DNAH7: variants seen among roughly 807,000 people sequenced by gnomAD.
DNAH7 encodes dynein axonemal heavy chain 7, also known as axonemal beta dynein heavy chain 7.
Under a neutral mutation model 444.6 loss-of-function variants are expected in DNAH7, and 397 were observed. That is an observed-to-expected ratio of 0.89 (90% confidence interval 0.82 to 0.97). The LOEUF is 0.97. Among genes scored for constraint, DNAH7 ranks in the 50% least tolerant of loss-of-function variants. The pLI is 0.00. For synonymous variants in DNAH7, 1,636 were observed against 1,624.4 expected (o/e 1.01, Z -0.17); for missense variants, 4,902 against 4,800.8 (o/e 1.02, Z -0.62).
chr2:196,012,056 A>G (rs1210896807), intron 10 of DNAH7, among the ~76,000 whole-genome samples: 1 of 152,188 alleles, frequency 6.6e-6, no homozygotes, highest in Non-Finnish European at 1.5e-5. Context: ...GAAGAAAGCA[A>G]GATAAAGGAA....
chr2:195,755,294 G>C (rs1694018198), intron 62 of DNAH7, among the ~76,000 whole-genome samples: 1 of 152,090 alleles, frequency 6.6e-6, no homozygotes, highest in Admixed American at 6.6e-5. Context: ...ATTGTACAAG[G>C]AATTCCTGGA....
intron 22 of DNAH7, among the ~76,000 whole-genome samples, chr2:195,924,976 G>A (rs931631150): frequency 4.6e-5 from 7 of 152,032 alleles, no homozygotes; most frequent in African/African-American, 1.4e-4. Flanking sequence ...TGTACACCAC[G>A]GAGTTTATTT....
chr2:195,815,953 C>G (rs1255469724), intron 51 of DNAH7, among the ~76,000 whole-genome samples: 2 of 152,194 alleles, frequency 1.3e-5, no homozygotes, highest in African/African-American at 4.8e-5. Flanking sequence ...GATTGCGCCA[C>G]TGCACTCCTG....
At chr2:195,757,087 C>T (rs556873401) in intron 61 of DNAH7, among the ~76,000 whole-genome samples, 20 of 152,180 alleles carry the variant, frequency 1.3e-4, no homozygotes, top group African/African-American at 4.1e-4. Context: ...CTCGACCTCC[C>T]GAAGTGCTGG....
intron 27 of DNAH7, 26 bp from the exon 28 acceptor site, chr2:195,900,520 T>A (rs1559202911): frequency 2.2e-5 from 35 of 1,595,398 alleles, no homozygotes; most frequent in Non-Finnish European, 3.0e-5. Flanking sequence ...AAGTTACTTT[T>A]AAAAGGATCA....
chr2:195,884,656 T>A lies in DNAH7; in HGVS notation c.5692A>T (p.Thr1898Ser). Residue 1898 changes from threonine (T) to serine (S), a missense_variant, in exon 35 of 65, where the codon ACA becomes TCA. Transcript: ENST00000312428. ...GGGACAGTTAGTGCCTTTGAGGATGTTTGCTCAGTACCACTCTGTAATTTA... is the reference window on the plus strand; with the variant it reads ...GGGACAGTTAGTGCCTTTGAGGATGATTGCTCAGTACCACTCTGTAATTTA... ...TFKLQSGTEQ[T>S]SSKALTVPFP... 5 of 1,614,182 alleles carry A rather than the reference T, an allele frequency of 3.1e-6. No homozygotes were observed. Among genetic ancestry groups the A allele is most frequent in the Non-Finnish European group, 4.2e-6 (5 of 1,180,012 alleles).
In DNAH7 at chr2:195,855,978, C is replaced by T. The variant is rs1469187547; in HGVS notation, c.8428G>A (p.Val2810Ile). ...GCCAGTTTTATCTTTTTGGGAGCTA[C>T]TATTTTTGCCACTCTGCAAAAAGTA... ...MDSYDKVAKI[V>I]APKKIKLAAA... Residue 2810 changes from valine to isoleucine, a missense_variant, in exon 45 of 65, where the codon GTA (valine) becomes ATA (isoleucine). Physicochemically the swap from Val to Ile is conservative, Grantham distance 29 (BLOSUM62 3). Transcript: ENST00000312428. The T allele has an allele frequency of 6.2e-7, 1 of 1,609,278 alleles. No homozygotes were observed. The highest frequency in any genetic ancestry group is 1.3e-5 in the African/African-American group (1 of 74,612).
At chr2:196,002,078 G>A (rs918917342) in intron 10 of DNAH7, among the ~76,000 whole-genome samples, 4 of 152,188 alleles carry the variant, frequency 2.6e-5, no homozygotes, top group Non-Finnish European at 5.9e-5. Context: ...GTGATGTGAT[G>A]CTGTGAGAAA....
chr2:196,020,693 C>T (rs183028953), intron 8 of DNAH7, among the ~76,000 whole-genome samples: 9 of 151,722 alleles, frequency 5.9e-5, no homozygotes, highest in Non-Finnish European at 1.2e-4. Flanking sequence ...TCACTGCAGC[C>T]TCCACCTCCT....
At chr2:195,877,726 C>T (rs959009741) in intron 36 of DNAH7, among the ~76,000 whole-genome samples, 2 of 152,160 alleles carry the variant, frequency 1.3e-5, no homozygotes, top group African/African-American at 4.8e-5. Flanking sequence ...ATAAGGAAGA[C>T]GTAGGGTAAC....
chr2:195,957,755 GATA>G (rs1690787295), intron 18 of DNAH7, among the ~76,000 whole-genome samples: 3 of 151,730 alleles, frequency 2.0e-5, no homozygotes, highest in Admixed American at 2.0e-4. Flanking sequence ...TATGTTTAAA[GATA>G]ATAATATAAC....
intron 49 of DNAH7, among the ~76,000 whole-genome samples, chr2:195,822,605 T>C (rs1010228816): frequency 6.6e-6 from 1 of 152,068 alleles, no homozygotes; most frequent in African/African-American, 2.4e-5. Flanking sequence ...GTTTAATCAA[T>C]CCCAGCAATT....
At chr2:195,976,784 A>AGAGG (rs1692236887) in intron 15 of DNAH7, among the ~76,000 whole-genome samples, 1 of 146,028 alleles carries the variant, frequency 6.8e-6, no homozygotes, top group Non-Finnish European at 1.5e-5. Flanking sequence ...AGAGAGAGAG[A>AGAGG]GAGACTCTCT....
At chr2:195,802,028 A>G (rs1441208576) in intron 54 of DNAH7, among the ~76,000 whole-genome samples, 6 of 152,210 alleles carry the variant, frequency 3.9e-5, no homozygotes, top group Admixed American at 3.9e-4. Flanking sequence ...ATAAACATCC[A>G]CTGAATGACT....
intron 17 of DNAH7, among the ~76,000 whole-genome samples, chr2:195,965,253 T>C (rs776667834): frequency 3.9e-5 from 6 of 152,206 alleles, no homozygotes; most frequent in Non-Finnish European, 8.8e-5. Flanking sequence ...TCATTCTCTT[T>C]ATATGATGCA....
In DNAH7 at chr2:195,737,981, G is replaced by T; in HGVS notation, c.12015C>A (p.Asp4005Glu). 1 of 1,614,002 alleles carries T rather than the reference G, an allele frequency of 6.2e-7. No homozygotes were observed. The highest frequency in any genetic ancestry group is 8.5e-7 in the Non-Finnish European group (1 of 1,179,858). ...NFVIAMTLPSDQPKEHWIGRG... is the reference protein window; with the variant it reads ...NFVIAMTLPSEQPKEHWIGRG... ...GTCCAATCCAGTGTTCCTTGGGTTG[G>T]TCAGAGGGAAGAGTCATGGCAATCA... Residue 4005 changes from aspartate to glutamate, a missense_variant, in exon 65 of 65, where the codon GAC becomes GAA. Physicochemically the swap from Asp to Glu is conservative, Grantham distance 45. Transcript: ENST00000312428.
chr2:195,876,423 C>T lies in DNAH7; in HGVS notation c.6117+121G>A, dbSNP rs537421930. On this transcript the variant is annotated intron_variant, in intron 37 of 64. Coordinates refer to ENST00000312428, the MANE Select transcript of DNAH7 (RefSeq NM_018897.3). ...TACATTTTTAGGAGAACCTTTTAAT[C>T]CAAATTTGTGACATTAAAAAACTAT... The T allele has an allele frequency of 5.7e-4, 557 of 971,560 alleles. 9 individuals carry two copies. The South Asian group carries it at 8.7e-3, about 15-fold the overall frequency. The allele number at this position is 971,560 out of a possible 1,614,324, so 60.2% of individuals were successfully genotyped here. A position where few individuals can be genotyped will look rare whatever the true frequency, so the allele number is the denominator to read the frequency against.
At chr2:195,824,721 G>A (rs1396727880) in intron 48 of DNAH7, among the ~76,000 whole-genome samples, 1 of 152,104 alleles carries the variant, frequency 6.6e-6, no homozygotes, top group African/African-American at 2.4e-5. Flanking sequence ...CTGGCCTGGG[G>A]TTCACCAGGC....
intron 47 of DNAH7, among the ~76,000 whole-genome samples, chr2:195,840,317 T>C (rs1698608926): frequency 6.6e-6 from 1 of 151,696 alleles, no homozygotes. Context: ...CCATTAATGT[T>C]AAAAACCATC....
Sources: allele counts gnomAD v4.1 joint callset (sites outside exome capture counted in the v4.1 genomes callset), GRCh38; gene constraint gnomAD v4.1.1; transcripts MANE v1.5; gene names NCBI Gene and HGNC (gene_info 2026-07-23, HGNC 2026-07-21).